MYRIP: variants seen among roughly 807,000 people sequenced by gnomAD.
The protein encoded by MYRIP is myosin VIIA and Rab interacting protein.
A neutral mutation model predicts 98.0 loss-of-function variants in MYRIP; 49 were observed. That is an observed-to-expected ratio of 0.50 (90% CI 0.40 to 0.63). MYRIP has a LOEUF of 0.63. MYRIP is among the 30% of genes least tolerant of loss of function. The probability of loss-of-function intolerance (pLI) is 0.00; values close to 1 mark genes in which losing one functional copy is unlikely to be tolerated. For synonymous variants in MYRIP, 404 were observed against 409.5 expected (o/e 0.99, Z 0.16); for missense variants, 1,004 against 1,058.2 (o/e 0.95, Z 0.71).
chr3:40,043,970 G>A, intron 2 of MYRIP, 80 bp from the exon 3 acceptor site: 3 of 1,346,728 alleles, frequency 2.2e-6, no homozygotes, highest in Non-Finnish European at 3.1e-6. Flanking sequence ...GAGGGACAGG[G>A]TGCATGCTTT....
intron 3 of MYRIP, among the ~76,000 whole-genome samples, chr3:40,137,903 C>T (rs1387114714): frequency 6.6e-6 from 1 of 152,210 alleles, no homozygotes; most frequent in Non-Finnish European, 1.5e-5. Flanking sequence ...CTGGCACTCT[C>T]TTATCCTGAC....
At chr3:40,072,311 C>A (rs975480331) in intron 3 of MYRIP, among the ~76,000 whole-genome samples, 2 of 152,088 alleles carry the variant, frequency 1.3e-5, no homozygotes, top group African/African-American at 4.8e-5. Context: ...CGAGTTCAAG[C>A]AATTCTCATG....
chr3:40,188,042 G>A (rs1447281959), intron 9 of MYRIP, among the ~76,000 whole-genome samples: 1 of 152,290 alleles, frequency 6.6e-6, no homozygotes, highest in South Asian at 2.1e-4. Flanking sequence ...CGTCCTCCTC[G>A]TCAGTGAAAG....
At chr3:40,036,476 C>G (rs1205105076) in intron 2 of MYRIP, among the ~76,000 whole-genome samples, 1 of 151,844 alleles carries the variant, frequency 6.6e-6, no homozygotes, top group African/African-American at 2.4e-5. Context: ...GAAGGAAAAT[C>G]AGATGCAAGA....
At chr3:40,225,928 C>G (rs1952475769) in intron 11 of MYRIP, among the ~76,000 whole-genome samples, 1 of 152,100 alleles carries the variant, frequency 6.6e-6, no homozygotes, top group Non-Finnish European at 1.5e-5. Flanking sequence ...TTAGATGACC[C>G]CTGTTAACGT....
chr3:39,916,659 A>G (rs764545288), intron 2 of MYRIP, among the ~76,000 whole-genome samples: 1 of 152,072 alleles, frequency 6.6e-6, no homozygotes, highest in Non-Finnish European at 1.5e-5. Context: ...AAAGCATACC[A>G]TTTCAAACCC....
intron 1 of MYRIP, among the ~76,000 whole-genome samples, chr3:39,883,364 TAC>T (rs1491006223): frequency 6.6e-6 from 1 of 152,148 alleles, no homozygotes; most frequent in Non-Finnish European, 1.5e-5. Context: ...GAAACAAACA[TAC>T]ATCCTCTCTA....
intron 1 of MYRIP, among the ~76,000 whole-genome samples, chr3:39,871,965 G>A (rs1942803381): frequency 6.6e-6 from 1 of 151,932 alleles, no homozygotes; most frequent in Admixed American, 6.6e-5. Flanking sequence ...TTGAAAAGGT[G>A]ACTGCAGCTG....
chr3:39,932,542 T>C (rs182494327), intron 2 of MYRIP, among the ~76,000 whole-genome samples: 1 of 152,042 alleles, frequency 6.6e-6, no homozygotes, highest in African/African-American at 2.4e-5. Context: ...TTCGGTTTTT[T>C]GGGGGTTTTT....
At chr3:39,821,261 TGGGATA>T (rs1473965676) in intron 1 of MYRIP, among the ~76,000 whole-genome samples, 2 of 152,068 alleles carry the variant, frequency 1.3e-5, no homozygotes, top group Non-Finnish European at 2.9e-5. Flanking sequence ...TTGTACATAG[TGGGATA>T]AGGAAGCCTG....
At chr3:40,235,009 A>AG (rs1380659714) in intron 12 of MYRIP, among the ~76,000 whole-genome samples, 1 of 151,958 alleles carries the variant, frequency 6.6e-6, no homozygotes, top group East Asian at 1.9e-4. Flanking sequence ...AAAAAAAAAA[A>AG]AAGATACCAA....
intron 4 of MYRIP, among the ~76,000 whole-genome samples, chr3:40,154,250 A>C (rs1950173918): frequency 6.6e-6 from 1 of 152,220 alleles, no homozygotes; most frequent in South Asian, 2.1e-4. Flanking sequence ...CTCCCAAGCG[A>C]ACCTTTCTCC....
intron 1 of MYRIP, among the ~76,000 whole-genome samples, chr3:39,848,431 A>G (rs1942036823): frequency 6.6e-6 from 1 of 152,054 alleles, no homozygotes; most frequent in Non-Finnish European, 1.5e-5. Flanking sequence ...TAAGAAAGAA[A>G]GTAGGATATT....
chr3:40,154,596 G>T (rs1450052208), intron 4 of MYRIP, among the ~76,000 whole-genome samples: 1 of 152,052 alleles, frequency 6.6e-6, no homozygotes, highest in Admixed American at 6.6e-5. Context: ...GGACGTGCAG[G>T]TTTGTTACAT....
chr3:40,180,797 C>T (rs1478758307), intron 8 of MYRIP, among the ~76,000 whole-genome samples: 1 of 152,164 alleles, frequency 6.6e-6, no homozygotes, highest in African/African-American at 2.4e-5. Flanking sequence ...CCCAAGGTTT[C>T]GTGGGGAAAG....
At chr3:40,045,883 G>A (rs965832404) in intron 3 of MYRIP, among the ~76,000 whole-genome samples, 1 of 152,098 alleles carries the variant, frequency 6.6e-6, no homozygotes, top group Non-Finnish European at 1.5e-5. Context: ...GGATGGATGG[G>A]GAGAAAATGA....
chr3:39,904,356 C>G (rs951532482), intron 2 of MYRIP, among the ~76,000 whole-genome samples: 2 of 152,136 alleles, frequency 1.3e-5, no homozygotes, highest in African/African-American at 4.8e-5. Flanking sequence ...CTGCCTCGAC[C>G]TCTTGAGTAG....
At chr3:40,116,466 A>C (rs1949282743) in intron 3 of MYRIP, among the ~76,000 whole-genome samples, 1 of 152,170 alleles carries the variant, frequency 6.6e-6, no homozygotes, top group Non-Finnish European at 1.5e-5. Context: ...GTATTTGTTT[A>C]TCTCTCTTTC....
At chr3:40,202,614 T>C (rs11710793) in intron 10 of MYRIP, among the ~76,000 whole-genome samples, 61,361 of 152,060 alleles carry the variant, frequency 0.4, 15,028 homozygotes, top group Non-Finnish European at 0.55. Flanking sequence ...GTTTTCCTTT[T>C]AGTGAGCACG....
Sources: allele counts gnomAD v4.1 joint callset (sites outside exome capture counted in the v4.1 genomes callset), GRCh38; gene constraint gnomAD v4.1.1; transcripts MANE v1.5; gene names NCBI Gene and HGNC (gene_info 2026-07-23, HGNC 2026-07-21).